The following ADAMTS10 variants were observed in gnomAD, a reference collection of about 807,000 sequenced individuals.
The protein encoded by ADAMTS10 is ADAM metallopeptidase with thrombospondin type 1 motif 10.
ADAMTS10 carries 48 observed loss-of-function variants against 135.9 expected under a neutral mutation model. The ratio of observed to expected loss-of-function variants is 0.35; its 90% CI spans 0.28 to 0.45. The LOEUF is 0.45. ADAMTS10 is among the 20% of genes least tolerant of loss of function. ADAMTS10 has a pLI of 1.00. For synonymous variants in ADAMTS10, 621 were observed against 647.5 expected (o/e 0.96, Z 0.62); for missense variants, 1,131 against 1,565.2 (o/e 0.72, Z 4.68).
chr19:8,588,171 C>T (rs1280396614), intron 18 of ADAMTS10, among the ~76,000 whole-genome samples: 1 of 152,114 alleles, frequency 6.6e-6, no homozygotes, highest in Non-Finnish European at 1.5e-5. Flanking sequence ...TTTCTTGAAC[C>T]TGGGAGGCAG....
rs781841777 is a variant in ADAMTS10, at chr19:8,592,885, G to T, written c.1480-15C>A. On this transcript the variant is annotated splice_polypyrimidine_tract_variant and intron_variant, in intron 12 of 25. Coordinates refer to ENST00000597188, the MANE Select transcript of ADAMTS10 (RefSeq NM_030957.4). ...CTGCAGACCTCCTGCGGGCCGAGGTGCCCGCTCAGGCTCGCCCCCCTCCCT... is the reference window on the plus strand; with the variant it reads ...CTGCAGACCTCCTGCGGGCCGAGGTTCCCGCTCAGGCTCGCCCCCCTCCCT... 2.2e-5 allele frequency: 35 copies of T among 1,605,218 alleles called. No homozygotes were observed. The highest frequency in any genetic ancestry group is 1.4e-4 in the Admixed American group (8 of 59,180).
chr19:8,600,682 T>C (rs911235530), intron 6 of ADAMTS10, among the ~76,000 whole-genome samples: 1 of 151,928 alleles, frequency 6.6e-6, no homozygotes, highest in Non-Finnish European at 1.5e-5. Context: ...GTATTTTTAG[T>C]AGAGATGGGG....
chr19:8,592,500 T>G (rs1212332750), intron 13 of ADAMTS10, among the ~76,000 whole-genome samples: 1 of 147,588 alleles, frequency 6.8e-6, no homozygotes, highest in African/African-American at 2.5e-5. Context: ...GCCGTGGGAA[T>G]CATTACACGG....
chr19:8,590,566 C>T (rs1555738691), intron 15 of ADAMTS10, among the ~76,000 whole-genome samples: 1 of 152,158 alleles, frequency 6.6e-6, no homozygotes, highest in Non-Finnish European at 1.5e-5. Context: ...TCAAGTGATT[C>T]TCCTGCCTCA....
Position 8,581,696 on chromosome 19 carries a change from G to A in ADAMTS10, c.3203-694C>T, listed in dbSNP as rs2042352440. Among the ~76,000 whole-genome samples the A allele has an allele frequency of 2.0e-5, 3 of 151,968 alleles. No individual in the cohort carries two copies. The Middle Eastern group carries it at 0.01, about 520-fold the overall frequency. ...CTAAAAATATAAAAATTAGCTGGGCGTGGTGGCGGGTGCCTGTAATCCCAG... is the reference window on the plus strand; with the variant it reads ...CTAAAAATATAAAAATTAGCTGGGCATGGTGGCGGGTGCCTGTAATCCCAG... On this transcript the variant is annotated intron_variant, in intron 25 of 25. Transcript: ENST00000597188.
intron 25 of ADAMTS10, among the ~76,000 whole-genome samples, chr19:8,582,062 C>T (rs923340129): frequency 6.7e-6 from 1 of 149,748 alleles, no homozygotes; most frequent in Non-Finnish European, 1.5e-5. Flanking sequence ...CAAACACGAC[C>T]CAATAAAACA....
intron 5 of ADAMTS10, among the ~76,000 whole-genome samples, chr19:8,602,747 T>G (rs913204082): frequency 1.3e-5 from 2 of 152,166 alleles, no homozygotes; most frequent in Admixed American, 6.6e-5. Context: ...TGCCTCAGCC[T>G]CTCAAGTAGC....
chr19:8,609,623 G>C (rs2042759351), intron 1 of ADAMTS10, among the ~76,000 whole-genome samples: 1 of 152,022 alleles, frequency 6.6e-6, no homozygotes, highest in African/African-American at 2.4e-5. Flanking sequence ...CGGGGCCTGC[G>C]GGAGGAGGGG....
intron 2 of ADAMTS10, among the ~76,000 whole-genome samples, chr19:8,606,971 G>T (rs1555742697): frequency 6.6e-6 from 1 of 152,130 alleles, no homozygotes; most frequent in East Asian, 1.9e-4. Context: ...ATGGTGTGAA[G>T]AGACAGGCGA....
At chr19:8,583,522 C>T (rs1381812219) in intron 25 of ADAMTS10, among the ~76,000 whole-genome samples, 1 of 149,832 alleles carries the variant, frequency 6.7e-6, no homozygotes, top group African/African-American at 2.5e-5. Flanking sequence ...GCCTGGGTGA[C>T]AGAGTGAGAC....
chr19:8,601,713 G>C lies in ADAMTS10; in HGVS notation c.593-568C>G, dbSNP rs2042671909. 6.6e-6 allele frequency among the ~76,000 whole-genome samples: 1 copy of C among 151,592 alleles called. No homozygotes were observed. Among genetic ancestry groups the C allele is most frequent in the Non-Finnish European group, 1.5e-5 (1 of 67,874 alleles). On this transcript the variant is annotated intron_variant, in intron 5 of 25. Transcript: ENST00000597188. This position sits in a 1 kb window ranked among gnomAD's most constrained non-coding sequence, Gnocchi z 4.6. ...CTTGGCGGTACCATCTCTTTTTTTT[G>C]TCAGTGTCCTACTACCTGAGAATAT... is the stretch of plus-strand genomic sequence containing the variant.
At position 8,596,450 on chromosome 19, in the gene ADAMTS10, T is replaced by C. The variant is rs1032126490; in HGVS notation, c.1085-38A>G. On this transcript the variant is annotated intron_variant, in intron 9 of 25. Transcript: ENST00000597188. The surrounding 1 kb of genome is among the most constrained non-coding windows in gnomAD (Gnocchi z 7.2). ...ACATGTGGGGATGGGGCTGGGAGGC[T>C]CAGGACGGTGCTGGCTGGCCCCATC... 6.2e-7 allele frequency: 1 copy of C among 1,613,284 alleles called. No individual in the cohort carries two copies. The highest frequency in any genetic ancestry group is 1.3e-5 in the African/African-American group (1 of 75,012).
chr19:8,595,602 G>A (rs1309327737), intron 12 of ADAMTS10, 160 bp downstream of exon 12: 3 of 1,128,266 alleles, frequency 2.7e-6, no homozygotes, highest in Non-Finnish European at 3.9e-6. Flanking sequence ...CACACTCCAT[G>A]CACCTCTGTC....
chr19:8,607,479 C>T (rs1049386963), intron 2 of ADAMTS10, among the ~76,000 whole-genome samples: 1 of 152,168 alleles, frequency 6.6e-6, no homozygotes, highest in African/African-American at 2.4e-5. Flanking sequence ...CCACTTTGGG[C>T]CACCACCCTG....
chr19:8,602,140 T>C (rs1263404640), intron 5 of ADAMTS10, among the ~76,000 whole-genome samples: 1 of 152,240 alleles, frequency 6.6e-6, no homozygotes, highest in African/African-American at 2.4e-5. Context: ...TCATACTGCC[T>C]GATGTACTAC....
At position 8,585,650 on chromosome 19, in the gene ADAMTS10, C is replaced by T. The variant is rs1555736879; in HGVS notation, c.2671G>A (p.Gly891Arg). ...TEPCPPDWVV[G>R]NWSLCSRSCD... ...CTGCGGCTGCAGAGCGACCAGTTCC[C>T]TACAACCCAGCTGTAAGAGATGAAG... The change falls in exon 23 of 26, where the codon GGG becomes AGG. Residue 891 changes from glycine to arginine, a missense_variant. Physicochemically the swap from Gly to Arg is moderately radical, Grantham distance 125. Around this residue, in one of 3 missense-constraint regions of ADAMTS10, gnomAD observed 745 missense variants for 1,056.3 expected, o/e 0.71. Transcript: ENST00000597188. 6.2e-7 allele frequency: 1 copy of T among 1,612,350 alleles called. No individual in the cohort carries two copies. The highest frequency in any genetic ancestry group is 8.5e-7 in the Non-Finnish European group (1 of 1,179,648).
rs1555736681 is a variant in ADAMTS10, at chr19:8,585,274, C to G, written c.2900G>C (p.Arg967Pro). The change falls in exon 24 of 26, where the codon CGC (arginine) becomes CCC (proline). Residue 967 changes from arginine (R) to proline (P), a missense_variant. Arg to Pro is a moderately radical substitution (Grantham distance 103). Around this residue, in one of 3 missense-constraint regions of ADAMTS10, gnomAD observed 745 missense variants for 1,056.3 expected, o/e 0.71. Transcript: ENST00000597188. ...GTCTGCGCTCTTGCAAAGGACCACG[C>G]GGTGGCGGAGGCCCGGCCCGCAGCT... ...TPSCGPGLRH[R>P]VVLCKSADHR... 1 of 1,510,958 alleles carries G rather than the reference C, an allele frequency of 6.6e-7. No homozygotes were observed. The highest frequency in any genetic ancestry group is 2.0e-5 in the Admixed American group (1 of 49,568). The allele number at this position is 1,510,958 out of a possible 1,614,324, so 93.6% of individuals were successfully genotyped here. A position where few individuals can be genotyped will look rare whatever the true frequency, so the allele number is the denominator to read the frequency against.
At chr19:8,595,665 C>T (rs2042594064) in intron 12 of ADAMTS10, 97 bp downstream of exon 12, 3 of 1,529,986 alleles carry the variant, frequency 2.0e-6, no homozygotes, top group African/African-American at 2.7e-5. Flanking sequence ...TTCTCCCACC[C>T]CCTCACTTCC....
At chr19:8,597,417 T>G (rs1399298148) in intron 6 of ADAMTS10, 100 bp from the exon 7 acceptor site, 3 of 1,072,926 alleles carry the variant, frequency 2.8e-6, no homozygotes, top group Non-Finnish European at 4.2e-6. Context: ...ATCAGGCACC[T>G]ACTGTGTGTC....
Sources: gnomAD v4.1 joint callset for allele counts (sites outside exome capture counted in the v4.1 genomes callset) on GRCh38, gnomAD v4.1.1 for gene constraint, gnomAD v4.1.1 regional missense constraint, Gnocchi (gnomAD v3.1) non-coding constraint, MANE v1.5 for transcripts, NCBI Gene and HGNC (gene_info 2026-07-23, HGNC 2026-07-21) for gene names.